FBN2: variants seen among roughly 807,000 people sequenced by gnomAD.
The protein encoded by FBN2 is fibrillin 2.
Under a neutral mutation model 355.6 loss-of-function variants are expected in FBN2, and 105 were observed. The observed-to-expected ratio is 0.30, with a 90% CI of 0.25 to 0.35. The LOEUF (loss-of-function observed/expected upper bound fraction) is 0.35. Among genes scored for constraint, FBN2 ranks in the 10% least tolerant of loss-of-function variants. The pLI, the probability that FBN2 is intolerant of heterozygous loss-of-function variation, is 1.00. For missense variants in FBN2, 3,280 were observed against 3,758.7 expected, an observed-to-expected ratio of 0.87 and a Z score of 3.33; for synonymous variants, 1,350 against 1,301.2, an observed-to-expected ratio of 1.04 and a Z score of -0.81.
chr5:128,343,045 T>C (rs1365974468), intron 25 of FBN2, among the ~76,000 whole-genome samples: 1 of 152,108 alleles, frequency 6.6e-6, no homozygotes, highest in East Asian at 1.9e-4. Context: ...GGAGATGTTA[T>C]CACTAGAGAG....
intron 14 of FBN2, 44 bp from the exon 15 acceptor site, chr5:128,374,794 TA>T: frequency 1.9e-6 from 3 of 1,611,654 alleles, no homozygotes; most frequent in Non-Finnish European, 2.5e-6. Flanking sequence ...TGGGTAAATT[TA>T]ACGTTATTAC....
chr5:128,385,677 T>C (rs1362456775), intron 11 of FBN2, among the ~76,000 whole-genome samples: 1 of 152,152 alleles, frequency 6.6e-6, no homozygotes, highest in Non-Finnish European at 1.5e-5. Flanking sequence ...CAGCAGTGGA[T>C]AAGCATTCCT....
At chr5:128,449,507 A>G (rs1167554126) in intron 6 of FBN2, among the ~76,000 whole-genome samples, 1 of 149,410 alleles carries the variant, frequency 6.7e-6, no homozygotes, top group African/African-American at 2.4e-5. Context: ...CTATTTGAAA[A>G]TAGAATGTAG....
intron 6 of FBN2, among the ~76,000 whole-genome samples, chr5:128,453,994 C>T (rs575854515): frequency 6.6e-6 from 1 of 150,740 alleles, no homozygotes. Flanking sequence ...TGGCTTGCCC[C>T]CCCCCCAAGT....
intron 12 of FBN2, 131 bp from the exon 13 acceptor site, chr5:128,378,008 GT>G (rs373419300): frequency 0.029 from 14,520 of 506,092 alleles, 3 homozygotes; most frequent in East Asian, 0.051. Flanking sequence ...TCTCTCAGCA[GT>G]TTTTTTTTTT....
Position 128,258,493 on chromosome 5 carries a change from G to C in FBN2, c.*962C>G, listed in dbSNP as rs565071757. 7.2e-5 allele frequency: 11 copies of C among 152,676 alleles called. No individual in the cohort carries two copies. In the South Asian group the frequency reaches 2.3e-3, roughly 32 times the overall value. The allele number at this position is 152,676 out of a possible 1,614,324, so 9.5% of individuals were successfully genotyped here. A position where few individuals can be genotyped will look rare whatever the true frequency, so the allele number is the denominator to read the frequency against. ...ACATAATAAATGCACCATTATTTAA[G>C]ACAGCACGAAACACCACAGAATGCC... On this transcript the variant is annotated 3_prime_UTR_variant, in exon 65 of 65. Coordinates refer to ENST00000262464, the MANE Select transcript of FBN2 (RefSeq NM_001999.4).
intron 63 of FBN2, among the ~76,000 whole-genome samples, chr5:128,262,390 C>T (rs1007079261): frequency 1.3e-5 from 2 of 152,166 alleles, no homozygotes; most frequent in Non-Finnish European, 2.9e-5. Context: ...AAACTTTTCC[C>T]TTATTTTGAA....
At chr5:128,290,491 T>C (rs1749290178) in intron 50 of FBN2, among the ~76,000 whole-genome samples, 1 of 152,200 alleles carries the variant, frequency 6.6e-6, no homozygotes, top group South Asian at 2.1e-4. Context: ...TGAAAGCAAG[T>C]AATACTAACC....
Position 128,273,829 on chromosome 5 carries a change from A to C in FBN2, c.7840+11T>G. On this transcript the variant is annotated intron_variant, in intron 61 of 64. Transcript: ENST00000262464. ...TTATTAGATTAAGAATTTTTGAGCA[A>C]ATCAACTAACCTTCACAGTTCAGTC... 1 of 1,613,576 alleles carries C rather than the reference A, an allele frequency of 6.2e-7. No individual in the cohort carries two copies. Among genetic ancestry groups the C allele is most frequent in the Non-Finnish European group, 8.5e-7 (1 of 1,179,580 alleles).
rs185128454 is a variant in FBN2 at position 128,498,640 on chromosome 5, T to C, written c.628+20633A>G. 1.8e-4 allele frequency among the ~76,000 whole-genome samples: 27 copies of C among 152,340 alleles called. No individual in the cohort carries two copies. In the East Asian group the frequency reaches 4.8e-3, roughly 27 times the overall value. ...CAGGGAAATAAACTATACTTATTTA[T>C]AGCTTTGTAGAGTCATAAACAATAG... On this transcript the variant is annotated intron_variant, in intron 5 of 64. Coordinates refer to ENST00000262464, the MANE Select transcript of FBN2 (RefSeq NM_001999.4).
chr5:128,446,227 C>A (rs1754059817), intron 7 of FBN2: 1 of 353,186 alleles, frequency 2.8e-6, no homozygotes, highest in Admixed American at 3.9e-5. Context: ...ACATAAATGG[C>A]TGGATTACTC....
intron 15 of FBN2, among the ~76,000 whole-genome samples, chr5:128,371,969 A>T (rs574708712): frequency 3.9e-5 from 6 of 152,336 alleles, no homozygotes; most frequent in African/African-American, 1.4e-4. Context: ...ATCAACTTTT[A>T]TTTATAACTT....
At chr5:128,393,427 C>A (rs1752573954) in intron 9 of FBN2, 59 bp from the exon 10 acceptor site, 1 of 1,425,850 alleles carries the variant, frequency 7.0e-7, no homozygotes. Flanking sequence ...ATAACAAAAG[C>A]CATTGGTACA....
intron 5 of FBN2, among the ~76,000 whole-genome samples, chr5:128,487,406 T>C (rs971303780): frequency 2.0e-5 from 3 of 152,216 alleles, no homozygotes; most frequent in South Asian, 2.1e-4. Context: ...TACTGACTAA[T>C]ACAAGGTCTC....
In FBN2 at chr5:128,310,105, A is replaced by G. The variant is rs914975874; in HGVS notation, c.5078T>C (p.Ile1693Thr). ...LSEDTRICED[I>T]DECFAHPGVC... ...ACCAGGATGTGCAAAACACTCATCAATATCTAGAGTAGGCAAGAATATCTA... is the reference window on the plus strand; with the variant it reads ...ACCAGGATGTGCAAAACACTCATCAGTATCTAGAGTAGGCAAGAATATCTA... Residue 1693 changes from isoleucine (I) to threonine (T), a missense_variant, in exon 40 of 65, where the codon ATT becomes ACT. Ile to Thr is a moderately conservative substitution (Grantham distance 89). This residue lies in a region of FBN2 where 2,284 missense variants were observed against 2,749.5 expected (regional missense o/e 0.83). Transcript: ENST00000262464. The G allele has an allele frequency of 6.2e-7, 1 of 1,611,392 alleles. No individual in the cohort carries two copies. Among genetic ancestry groups the G allele is most frequent in the Non-Finnish European group, 8.5e-7 (1 of 1,177,724 alleles).
At chr5:128,485,634 C>A (rs1015379504) in intron 5 of FBN2, among the ~76,000 whole-genome samples, 2 of 151,826 alleles carry the variant, frequency 1.3e-5, no homozygotes, top group Non-Finnish European at 2.9e-5. Context: ...ATGGAAATAC[C>A]GGATACAGTA....
At chr5:128,439,741 G>GT (rs1753867094) in intron 7 of FBN2, among the ~76,000 whole-genome samples, 1 of 151,496 alleles carries the variant, frequency 6.6e-6, no homozygotes, top group African/African-American at 2.4e-5. Context: ...TTTATTTTAT[G>GT]TAACTGAATT....
chr5:128,385,807 T>C (rs1752352207), intron 11 of FBN2, among the ~76,000 whole-genome samples: 1 of 152,212 alleles, frequency 6.6e-6, no homozygotes, highest in Non-Finnish European at 1.5e-5. Flanking sequence ...TGAGCATTTT[T>C]TCATATGCTT....
chr5:128,469,530 C>CAA (rs34568723), intron 5 of FBN2, among the ~76,000 whole-genome samples: 36,053 of 125,332 alleles, frequency 0.29, 6,724 homozygotes, highest in African/African-American at 0.52. Flanking sequence ...GACTCCGTCT[C>CAA]AAAAAAAAAA....
Sources: allele counts gnomAD v4.1 joint callset (sites outside exome capture counted in the v4.1 genomes callset), GRCh38; gene constraint gnomAD v4.1.1; regional missense constraint gnomAD v4.1.1; transcripts MANE v1.5; gene names NCBI Gene and HGNC (gene_info 2026-07-23, HGNC 2026-07-21).